The following AMHR2 variants were observed in gnomAD, a reference collection of about 807,000 sequenced individuals.
AMHR2 encodes anti-Mullerian hormone receptor type 2.
In AMHR2, 36 loss-of-function variants were observed where a neutral mutation model predicts 61.4. The ratio of observed to expected loss-of-function variants is 0.59; its 90% CI spans 0.45 to 0.77. The LOEUF (loss-of-function observed/expected upper bound fraction) is 0.77, where lower values mean the gene tolerates loss of function less well. Among genes scored for constraint, AMHR2 ranks in the 30% least tolerant of loss-of-function variants. The probability of loss-of-function intolerance (pLI) is 0.00; values close to 1 mark genes in which losing one functional copy is unlikely to be tolerated. For synonymous variants in AMHR2, 258 were observed against 279.4 expected (o/e 0.92, Z 0.76); for missense variants, 638 against 714.6 (o/e 0.89, Z 1.22).
At chr12:53,426,444 T>A (rs992233927) in intron 6 of AMHR2, among the ~76,000 whole-genome samples, 1 of 151,866 alleles carries the variant, frequency 6.6e-6, no homozygotes, top group Non-Finnish European at 1.5e-5. Context: ...GGCAACACCG[T>A]GAAACCCCAC....
At position 53,424,375 on chromosome 12, in the gene AMHR2, G is replaced by A; in HGVS notation, c.137G>A (p.Gly46Asp). Residue 46 changes from glycine (G) to aspartate (D), a missense_variant, in exon 2 of 11, where the codon GGC becomes GAC. Transcript: ENST00000257863. ...TKTLGELLDT[G>D]TELPRAIRCL... ...ACACTGGGAGAGCTGCTAGATACAG[G>A]CACAGAGCTCCCCAGAGCTATCCGC... 1 of 1,613,580 alleles carries A rather than the reference G, an allele frequency of 6.2e-7. No individual in the cohort carries two copies. Among genetic ancestry groups the A allele is most frequent in the Non-Finnish European group, 8.5e-7 (1 of 1,179,990 alleles).
chr12:53,424,425 G>A lies in AMHR2; in HGVS notation c.187G>A (p.Gly63Arg). Reference sequence around the variant, plus strand: ...CTGCCTCTACAGCCGCTGCTGCTTTGGGATCTGGAACCTGACCCAAGACCG... The same window carrying A: ...CTGCCTCTACAGCCGCTGCTGCTTTAGGATCTGGAACCTGACCCAAGACCG... ...IRCLYSRCCF[G>R]IWNLTQDRAQ... Residue 63 changes from glycine to arginine, a missense_variant, in exon 2 of 11, where the codon GGG (glycine) becomes AGG (arginine). Physicochemically the swap from Gly to Arg is moderately radical, Grantham distance 125 (BLOSUM62 -2). Coordinates refer to ENST00000257863, the MANE Select transcript of AMHR2 (RefSeq NM_020547.3). 2 of 1,613,676 alleles carry A rather than the reference G, an allele frequency of 1.2e-6. No individual in the cohort carries two copies. Among genetic ancestry groups the A allele is most frequent in the South Asian group, 2.2e-5 (2 of 91,026 alleles).
chr12:53,424,586 G>A (rs1207776147), intron 2 of AMHR2, 116 bp downstream of exon 2: 17 of 1,540,128 alleles, frequency 1.1e-5, no homozygotes. Flanking sequence ...GGAAAGAAAA[G>A]CCCATGAGAG....
rs114182001 is a variant in AMHR2, at chr12:53,425,484, C to G, written c.532C>G (p.Arg178Gly). The G allele has an allele frequency of 1.2e-6, 2 of 1,613,968 alleles. No homozygotes were observed. The highest frequency in any genetic ancestry group is 2.7e-5 in the African/African-American group (2 of 75,022). The change falls in exon 5 of 11, where the codon CGA (arginine) becomes GGA (glycine). Residue 178 changes from arginine to glycine, a missense_variant. Coordinates refer to ENST00000257863, the MANE Select transcript of AMHR2 (RefSeq NM_020547.3). ...ALLQRKNYRVRGEPVPEPRPD... is the reference protein window; with the variant it reads ...ALLQRKNYRVGGEPVPEPRPD... ...GCTACAGCGAAAGAACTACAGAGTG[C>G]GAGGTGAGCCAGTGCCAGAGCCAAG...
At position 53,431,517 on chromosome 12, in the gene AMHR2, T is replaced by C. The variant is rs755656088; in HGVS notation, c.*44T>C. The C allele has an allele frequency of 1.2e-6, 2 of 1,611,864 alleles. No individual in the cohort carries two copies. The highest frequency in any genetic ancestry group is 1.7e-6 in the Non-Finnish European group (2 of 1,178,126). On this transcript the variant is annotated 3_prime_UTR_variant, in exon 11 of 11. Transcript: ENST00000257863. ...ATCAATGTACATGCCAACATAAATATGGCGATTGTATAGCTGTCTTGTCTG... is the reference window on the plus strand; with the variant it reads ...ATCAATGTACATGCCAACATAAATACGGCGATTGTATAGCTGTCTTGTCTG...
At chr12:53,428,042 A>C (rs924069843) in intron 6 of AMHR2, among the ~76,000 whole-genome samples, 1 of 152,234 alleles carries the variant, frequency 6.6e-6, no homozygotes, top group Non-Finnish European at 1.5e-5. Context: ...TGAATGATGG[A>C]AAGTCCCTTC....
rs1359666542 is a variant in AMHR2 at position 53,429,516 on chromosome 12, A to G, written c.1031A>G (p.Asp344Gly). Residue 344 changes from aspartate (D) to glycine (G), a missense_variant, in exon 8 of 11, where the codon GAT becomes GGT. By Grantham distance (94) the Asp-to-Gly change is moderately conservative (BLOSUM62 -1). Transcript: ENST00000257863. ...LSSQNVLIRE[D>G]GSCAIGDLGL... ...AGCCAGAATGTGCTCATTCGGGAAG[A>G]TGGATCGTGTGCCATTGGAGACCTG... 2 of 1,612,830 alleles carry G rather than the reference A, an allele frequency of 1.2e-6. No individual in the cohort carries two copies. Among genetic ancestry groups the G allele is most frequent in the African/African-American group, 2.7e-5 (2 of 74,346 alleles).
intron 10 of AMHR2, chr12:53,430,606 C>G (rs1940027622): frequency 2.1e-6 from 1 of 466,042 alleles, no homozygotes; most frequent in Non-Finnish European, 4.0e-6. Context: ...TGGCTTTGCT[C>G]TTGCCCTGAG....
chr12:53,428,409 A>T (rs1939802858), intron 6 of AMHR2, among the ~76,000 whole-genome samples: 1 of 152,188 alleles, frequency 6.6e-6, no homozygotes, highest in South Asian at 2.1e-4. Flanking sequence ...CTCATGAAGG[A>T]TGCCCCTGAC....
intron 10 of AMHR2, chr12:53,430,972 A>C (rs188851487): frequency 3.1e-6 from 2 of 648,756 alleles, no homozygotes; most frequent in Non-Finnish European, 5.4e-6. Context: ...ACAGTGGGCT[A>C]TACAGAAGGC....
At position 53,423,899 on chromosome 12, in the gene AMHR2, G is replaced by A. The variant is rs1939280003; in HGVS notation, c.-36G>A. The A allele has an allele frequency of 3.7e-6, 6 of 1,613,122 alleles. No homozygotes were observed. Among genetic ancestry groups the A allele is most frequent in the Non-Finnish European group, 2.5e-6 (3 of 1,179,344 alleles). ...GCCAGGGGCAGCTGTGCTGGCTTATGCTCTTCTCCTTCTGCTGCTGCCATC... is the reference window on the plus strand; with the variant it reads ...GCCAGGGGCAGCTGTGCTGGCTTATACTCTTCTCCTTCTGCTGCTGCCATC... On this transcript the variant is annotated 5_prime_UTR_variant, in exon 1 of 11. The change abolishes an upstream ATG in the 5' untranslated region. Coordinates refer to ENST00000257863, the MANE Select transcript of AMHR2 (RefSeq NM_020547.3).
At chr12:53,425,343 A>G (rs1939468383) in intron 4 of AMHR2, 101 bp downstream of exon 4, 19 of 1,604,958 alleles carry the variant, frequency 1.2e-5, no homozygotes, top group Non-Finnish European at 1.5e-5. Context: ...TGGGATCTCT[A>G]TAGCCTGATT....
At chr12:53,429,040 G>T in intron 7 of AMHR2, 30 bp downstream of exon 7, 7 of 1,503,582 alleles carry the variant, frequency 4.7e-6, no homozygotes, top group Non-Finnish European at 6.3e-6. Flanking sequence ...GAAGTCAAGG[G>T]AGCCACAGTG....
At chr12:53,430,412 T>C in intron 10 of AMHR2, 130 bp downstream of exon 10, 2 of 1,474,478 alleles carry the variant, frequency 1.4e-6, no homozygotes, top group Non-Finnish European at 1.9e-6. Context: ...TGGTTCATGC[T>C]CAGCTGGAAC....
At chr12:53,429,168 G>A (rs963624527) in intron 7 of AMHR2, among the ~76,000 whole-genome samples, 158 bp downstream of exon 7, 2 of 152,230 alleles carry the variant, frequency 1.3e-5, no homozygotes, top group East Asian at 3.9e-4. Context: ...CGAGGTGGGC[G>A]GATCACAAGG....
chr12:53,426,839 C>T (rs1409997504), intron 6 of AMHR2, among the ~76,000 whole-genome samples: 2 of 151,712 alleles, frequency 1.3e-5, no homozygotes, highest in African/African-American at 2.4e-5. Context: ...CTTGCCACCA[C>T]GCCTGGCTAA....
Position 53,429,609 on chromosome 12 carries a change from C to A in AMHR2, c.1124C>A (p.Pro375Gln). ...PAWTPTQPQG[P>Q]AAIMEAGTQR... is the part of the protein sequence containing the mutation. Reference sequence around the variant, plus strand: ...TGGACCCCTACTCAACCACAAGGCCCAGCTGCCATCATGGAAGTGAGTTCT... The same window carrying A: ...TGGACCCCTACTCAACCACAAGGCCAAGCTGCCATCATGGAAGTGAGTTCT... Residue 375 changes from proline (P) to glutamine (Q), a missense_variant, in exon 8 of 11, where the codon CCA becomes CAA. By Grantham distance (76) the Pro-to-Gln change is moderately conservative. Transcript: ENST00000257863. 1 of 1,614,090 alleles carries A rather than the reference C, an allele frequency of 6.2e-7. No homozygotes were observed. The highest frequency in any genetic ancestry group is 8.5e-7 in the Non-Finnish European group (1 of 1,179,990).
rs773854832 is a variant in AMHR2, at chr12:53,430,152, G to A, written c.1295G>A (p.Ser432Asn). The change falls in exon 10 of 11, where the codon AGT (serine) becomes AAT (asparagine). Residue 432 changes from serine to asparagine, a missense_variant. By Grantham distance (46) the Ser-to-Asn change is conservative (BLOSUM62 1). Transcript: ENST00000257863. Reference sequence around the variant, plus strand: ...CCCCTCTACCTTCCTCCAGACAGCAGTCCACCACCCTTCCAACTGGCCTAT... The same window carrying A: ...CCCCTCTACCTTCCTCCAGACAGCAATCCACCACCCTTCCAACTGGCCTAT... Reference protein sequence around the residue: ...SRCPDLRPDSSPPPFQLAYEA... With the variant: ...SRCPDLRPDSNPPPFQLAYEA... 1.2e-6 allele frequency: 2 copies of A among 1,614,176 alleles called. No individual in the cohort carries two copies. The highest frequency in any genetic ancestry group is 8.5e-7 in the Non-Finnish European group (1 of 1,180,034).
At chr12:53,424,494 G>A (rs781153521) in intron 2 of AMHR2, 24 bp downstream of exon 2, 6 of 1,608,270 alleles carry the variant, frequency 3.7e-6, no homozygotes, top group Non-Finnish European at 5.1e-6. Flanking sequence ...TATATGGCAG[G>A]TGATGGCTAG....
Sources: allele counts gnomAD v4.1 joint callset (sites outside exome capture counted in the v4.1 genomes callset), GRCh38; gene constraint gnomAD v4.1.1; transcripts MANE v1.5; gene names NCBI Gene and HGNC (gene_info 2026-07-23, HGNC 2026-07-21).